TMEM248: variants seen among roughly 807,000 people sequenced by gnomAD.
TMEM248 encodes the protein UPF0458 protein C7orf42.
TMEM248 carries 9 observed loss-of-function variants against 30.3 expected under a neutral mutation model. That is an observed-to-expected ratio of 0.30 (90% confidence interval 0.18 to 0.52). TMEM248 has a LOEUF of 0.52. TMEM248 is among the 20% of genes least tolerant of loss of function. TMEM248 has a pLI of 0.97. For synonymous variants in TMEM248, 184 were observed against 154.4 expected, an observed-to-expected ratio of 1.19 and a Z score of -1.42; for missense variants, 338 against 403.3, an observed-to-expected ratio of 0.84 and a Z score of 1.39.
intron 1 of TMEM248, among the ~76,000 whole-genome samples, chr7:66,927,597 C>T (rs529961228): frequency 6.6e-6 from 1 of 151,170 alleles, no homozygotes; most frequent in South Asian, 2.1e-4. Context: ...AAACCATGCC[C>T]AGCTAATTTT....
At chr7:66,940,717 C>T (rs144977507) in intron 1 of TMEM248, among the ~76,000 whole-genome samples, 107 of 152,264 alleles carry the variant, frequency 7.0e-4, no homozygotes, top group African/African-American at 2.5e-3. Context: ...GAGCTATTGC[C>T]GACCTCTCCT....
At chr7:66,952,204 G>T (rs987843037) in intron 5 of TMEM248, among the ~76,000 whole-genome samples, 5 of 151,910 alleles carry the variant, frequency 3.3e-5, no homozygotes, top group African/African-American at 1.2e-4. Context: ...ATTCTAAGTA[G>T]CTGGGATTAC....
intron 1 of TMEM248, among the ~76,000 whole-genome samples, chr7:66,937,898 G>C (rs1369733781): frequency 6.6e-6 from 1 of 152,028 alleles, no homozygotes; most frequent in East Asian, 1.9e-4. Context: ...TTTTAGTAGA[G>C]TCAGGGTTTC....
chr7:66,933,276 C>A (rs1364289994), intron 1 of TMEM248, among the ~76,000 whole-genome samples: 1 of 152,192 alleles, frequency 6.6e-6, no homozygotes, highest in African/African-American at 2.4e-5. Flanking sequence ...CTCAAGCCAT[C>A]CTCCTGCCTC....
Position 66,953,234 on chromosome 7 carries a change from T to C in TMEM248, c.789T>C (p.Arg263=), listed in dbSNP as rs1792315119. The C allele has an allele frequency of 6.2e-7, 1 of 1,614,010 alleles. No individual in the cohort carries two copies. Among genetic ancestry groups the C allele is most frequent in the Non-Finnish European group, 8.5e-7 (1 of 1,179,986 alleles). ...TTCTCTTCTTTATTTAGGATGACCG[T>C]TCATTAATAAATTTGCATCTCATGC... ...KLTVIVPDDD[R]SLINLHLMHT... is the part of the protein sequence containing the mutation. The change falls in exon 6 of 7, where the codon CGT becomes CGC. Residue 263 remains arginine (R), a synonymous_variant. Transcript: ENST00000341567.
At chr7:66,952,289 G>T (rs982791811) in intron 5 of TMEM248, among the ~76,000 whole-genome samples, 6 of 152,106 alleles carry the variant, frequency 3.9e-5, no homozygotes, top group African/African-American at 1.2e-4. Context: ...GGCCAGGTTG[G>T]TGTTGAACTG....
chr7:66,944,981 G>T lies in TMEM248; in HGVS notation c.165G>T (p.Trp55Cys). 6.2e-7 allele frequency: 1 copy of T among 1,613,836 alleles called. No individual in the cohort carries two copies. The highest frequency in any genetic ancestry group is 1.1e-5 in the South Asian group (1 of 91,066). ...TTTCTTTCACTTTCCCAAAGGATTG[G>T]AATACTTTTCTGCTACGGTTCAATG... Reference protein sequence around the residue: ...EIKSPEMAEDWNTFLLRFNDL... With the variant: ...EIKSPEMAEDCNTFLLRFNDL... The change falls in exon 3 of 7, where the codon TGG (tryptophan) becomes TGT (cysteine). Residue 55 changes from tryptophan (W) to cysteine (C), a missense_variant. Transcript: ENST00000341567.
Position 66,955,835 on chromosome 7 carries a change from A to T in TMEM248, c.*313A>T. The T allele has an allele frequency of 2.9e-6, 1 of 350,238 alleles. No homozygotes were observed. Among genetic ancestry groups the T allele is most frequent in the South Asian group, 6.6e-5 (1 of 15,166 alleles). The allele number at this position is 350,238 out of a possible 1,614,324, so 21.7% of individuals were successfully genotyped here. A position where few individuals can be genotyped will look rare whatever the true frequency, so the allele number is the denominator to read the frequency against. On this transcript the variant is annotated 3_prime_UTR_variant, in exon 7 of 7. Transcript: ENST00000341567. ...GGATTCCTGGATCTAGCTGGTCACG[A>T]CGATGTTTTCACCAAGGTCACAGGA...
chr7:66,944,656 G>C (rs1354048299), intron 2 of TMEM248, among the ~76,000 whole-genome samples: 5 of 152,180 alleles, frequency 3.3e-5, no homozygotes, highest in Non-Finnish European at 5.9e-5. Flanking sequence ...TCTGAGGCTA[G>C]ATCATTTTCT....
intron 3 of TMEM248, among the ~76,000 whole-genome samples, chr7:66,947,283 C>T (rs1792131936): frequency 6.6e-6 from 1 of 151,886 alleles, no homozygotes; most frequent in Non-Finnish European, 1.5e-5. Flanking sequence ...GCCCACCAGC[C>T]TCCTATTGGC....
intron 5 of TMEM248, among the ~76,000 whole-genome samples, chr7:66,952,665 T>C (rs1792297642): frequency 6.6e-6 from 1 of 152,194 alleles, no homozygotes; most frequent in Admixed American, 6.5e-5. Context: ...GGGAATTGAC[T>C]GCATGTGGGA....
intron 6 of TMEM248, among the ~76,000 whole-genome samples, chr7:66,953,792 G>C (rs888284073): frequency 3.3e-5 from 5 of 151,948 alleles, no homozygotes; most frequent in Non-Finnish European, 7.4e-5. Flanking sequence ...TTTTAGTAGA[G>C]ACCGGGTCTC....
At chr7:66,947,923 A>G (rs1792154453) in intron 3 of TMEM248, among the ~76,000 whole-genome samples, 1 of 151,768 alleles carries the variant, frequency 6.6e-6, no homozygotes, top group Admixed American at 6.6e-5. Context: ...CTGATTTTTA[A>G]AACTTTTTTG....
Position 66,957,525 on chromosome 7 carries a change from A to G in TMEM248, c.*2003A>G, listed in dbSNP as rs1350642910. ...GACTTTGAGACCCTTAAGAGACAAG[A>G]TTGAGAAAGAGCCATGTGGCTTGGC... On this transcript the variant is annotated 3_prime_UTR_variant, in exon 7 of 7. Transcript: ENST00000341567. 6.6e-6 allele frequency: 1 copy of G among 152,228 alleles called. No individual in the cohort carries two copies. Among genetic ancestry groups the G allele is most frequent in the Non-Finnish European group, 1.5e-5 (1 of 68,038 alleles). 9.4% of individuals were successfully genotyped at this position (152,228 alleles called of 1,614,324 possible).
At chr7:66,953,727 C>T (rs541416345) in intron 6 of TMEM248, among the ~76,000 whole-genome samples, 1 of 152,004 alleles carries the variant, frequency 6.6e-6, no homozygotes, top group East Asian at 1.9e-4. Context: ...ACCTCAGCCT[C>T]CCGAGGAGCT....
rs1218444821 is a variant in TMEM248, at chr7:66,947,970, G to A, written c.446-574G>A. ...TCTTGCTGTCATGTTCAGGCTGGTCGTGAATTCCCGGCCTCAAGCAATCCT... is the reference window on the plus strand; with the variant it reads ...TCTTGCTGTCATGTTCAGGCTGGTCATGAATTCCCGGCCTCAAGCAATCCT... On this transcript the variant is annotated intron_variant, in intron 3 of 6. Transcript: ENST00000341567. Among the ~76,000 whole-genome samples, 3 of 151,870 alleles carry A rather than the reference G, an allele frequency of 2.0e-5. 1 individual carries two copies. In the East Asian group the frequency reaches 5.8e-4, roughly 29 times the overall value.
At chr7:66,944,844 A>T in intron 2 of TMEM248, 132 bp from the exon 3 acceptor site, 1 of 933,618 alleles carries the variant, frequency 1.1e-6, no homozygotes, top group Non-Finnish European at 1.6e-6. Flanking sequence ...AGTTGTCATG[A>T]TCTTAAATGA....
At chr7:66,948,454 T>G in intron 3 of TMEM248, 90 bp from the exon 4 acceptor site, 1 of 1,464,860 alleles carries the variant, frequency 6.8e-7, no homozygotes, top group Non-Finnish European at 9.3e-7. Flanking sequence ...ATGATTCCTG[T>G]GTGGGTTTGA....
At chr7:66,952,176 G>C (rs1358746601) in intron 5 of TMEM248, among the ~76,000 whole-genome samples, 1 of 151,906 alleles carries the variant, frequency 6.6e-6, no homozygotes, top group African/African-American at 2.4e-5. Flanking sequence ...TGCAACCTCT[G>C]CCTCCTGGAT....
Sources: allele counts gnomAD v4.1 joint callset (sites outside exome capture counted in the v4.1 genomes callset), GRCh38; gene constraint gnomAD v4.1.1; transcripts MANE v1.5; gene names NCBI Gene and HGNC (gene_info 2026-07-23, HGNC 2026-07-21).